PPP1R21: variants seen among roughly 807,000 people sequenced by gnomAD.
PPP1R21 encodes KLRAQ motif containing 1.
Under a neutral mutation model 112.8 loss-of-function variants are expected in PPP1R21, and 85 were observed. The observed-to-expected ratio is 0.75, with a 90% CI of 0.63 to 0.90. The LOEUF is 0.90. Among genes scored for constraint, PPP1R21 ranks in the 40% least tolerant of loss-of-function variants. The pLI, the probability that PPP1R21 is intolerant of heterozygous loss-of-function variation, is 0.00. For synonymous variants in PPP1R21, 381 were observed against 322.3 expected, an observed-to-expected ratio of 1.18 and a Z score of -1.95; for missense variants, 1,199 against 901.5, an observed-to-expected ratio of 1.33 and a Z score of -4.23.
At chr2:48,472,935 T>TAA (rs200007821) in intron 11 of PPP1R21, among the ~76,000 whole-genome samples, 11 of 125,270 alleles carry the variant, frequency 8.8e-5, no homozygotes, top group Non-Finnish European at 1.2e-4. Context: ...CCCTGCCTCT[T>TAA]AAAAAAAAAA....
At position 48,459,738 on chromosome 2, in the gene PPP1R21, G is replaced by C. The variant is rs775503640; in HGVS notation, c.376-16G>C. ...TTAGGATATTGTGAGAAGAGAAAAT[G>C]GTCTTCTCTTTTTAGTTTTTTGAAG... is the stretch of plus-strand genomic sequence containing the variant. On this transcript the variant is annotated splice_polypyrimidine_tract_variant and intron_variant, in intron 4 of 21. Coordinates refer to ENST00000294952, the MANE Select transcript of PPP1R21 (RefSeq NM_001135629.3). 1 of 1,606,132 alleles carries C rather than the reference G, an allele frequency of 6.2e-7. No homozygotes were observed. Among genetic ancestry groups the C allele is most frequent in the South Asian group, 1.1e-5 (1 of 89,906 alleles).
intron 17 of PPP1R21, among the ~76,000 whole-genome samples, chr2:48,504,275 A>G (rs1670269456): frequency 6.6e-6 from 1 of 152,206 alleles, no homozygotes; most frequent in East Asian, 1.9e-4. Context: ...CATAACATTC[A>G]TTAGTACACA....
At chr2:48,514,412 TG>T (rs1291691198) in intron 21 of PPP1R21, among the ~76,000 whole-genome samples, 2 of 152,216 alleles carry the variant, frequency 1.3e-5, no homozygotes. Context: ...CTCTTGTCTT[TG>T]GAACAAAATG....
At chr2:48,512,512 T>C (rs1670689020) in intron 21 of PPP1R21, among the ~76,000 whole-genome samples, 1 of 147,328 alleles carries the variant, frequency 6.8e-6, no homozygotes, top group South Asian at 2.2e-4. Context: ...CTGTGTATAC[T>C]GGGGAGAAAT....
At chr2:48,462,783 G>C (rs1668032790) in intron 7 of PPP1R21, among the ~76,000 whole-genome samples, 1 of 152,172 alleles carries the variant, frequency 6.6e-6, no homozygotes, top group Non-Finnish European at 1.5e-5. Context: ...GTACTCACAA[G>C]GTTAATCTGG....
intron 21 of PPP1R21, among the ~76,000 whole-genome samples, 159 bp from the exon 22 acceptor site, chr2:48,514,556 T>C (rs1389112919): frequency 2.0e-5 from 3 of 152,216 alleles, no homozygotes; most frequent in Non-Finnish European, 4.4e-5. Flanking sequence ...TTTGCGATTA[T>C]TGAATAAAAG....
intron 9 of PPP1R21, among the ~76,000 whole-genome samples, chr2:48,468,418 T>C (rs563642393): frequency 1.3e-5 from 2 of 152,356 alleles, no homozygotes; most frequent in Non-Finnish European, 2.9e-5. Context: ...TGTTCTTTAA[T>C]ATCACTGTGG....
chr2:48,492,497 T>G (rs906086750), intron 15 of PPP1R21, among the ~76,000 whole-genome samples: 3 of 152,242 alleles, frequency 2.0e-5, no homozygotes, highest in Non-Finnish European at 2.9e-5. Context: ...ATATGGATGT[T>G]CCATAGTTTG....
At position 48,471,284 on chromosome 2, in the gene PPP1R21, A is replaced by G. The variant is rs150734417; in HGVS notation, c.1005A>G (p.Thr335=). Reference sequence around the variant, plus strand: ...AAATTATTTTTCTTTTCCAGGAGACAACTGTGAAATTGAAAACTTTTTCAG... The same window carrying G: ...AAATTATTTTTCTTTTCCAGGAGACGACTGTGAAATTGAAAACTTTTTCAG... ...ITEDTVTVLE[T]TVKLKTFSEH... is the part of the protein sequence containing the mutation. Residue 335 remains threonine (T), a synonymous_variant, in exon 11 of 22, where the codon ACA becomes ACG. Transcript: ENST00000294952. 144 of 1,611,644 alleles carry G rather than the reference A, an allele frequency of 8.9e-5. No individual in the cohort carries two copies. In the African/African-American group the frequency reaches 1.7e-3, roughly 19 times the overall value.
chr2:48,454,666 T>C lies in PPP1R21; in HGVS notation c.198T>C (p.Asn66=), dbSNP rs1324619284. ...QQEMDSLTFR[N]LQLAKRVELL... is the part of the protein sequence containing the mutation. ...AAATGGACAGTTTGACATTTCGAAA[T>C]CTGCAGCTTGCCAAGAGGGTAGAAC... Residue 66 remains asparagine, a synonymous_variant, in exon 3 of 22, where the codon AAT becomes AAC. Coordinates refer to ENST00000294952, the MANE Select transcript of PPP1R21 (RefSeq NM_001135629.3). 3 of 1,614,016 alleles carry C rather than the reference T, an allele frequency of 1.9e-6. No individual in the cohort carries two copies. Among genetic ancestry groups the C allele is most frequent in the Non-Finnish European group, 1.7e-6 (2 of 1,180,000 alleles).
At chr2:48,470,939 C>G (rs1322191861) in intron 9 of PPP1R21, 148 bp from the exon 10 acceptor site, 24 of 591,338 alleles carry the variant, frequency 4.1e-5, no homozygotes, top group Non-Finnish European at 3.0e-6. Flanking sequence ...ATAAAAGTTT[C>G]CAAAACTTGA....
At chr2:48,488,899 AAAAAG>A (rs1188580968) in intron 14 of PPP1R21, among the ~76,000 whole-genome samples, 2 of 152,330 alleles carry the variant, frequency 1.3e-5, no homozygotes, top group Admixed American at 6.5e-5. Flanking sequence ...AAATATTAGA[AAAAAG>A]AAAAGAAACC....
In PPP1R21 at chr2:48,457,680, C is replaced by A. The variant is rs10199764; in HGVS notation, c.274-446C>A. Among the ~76,000 whole-genome samples the A allele has an allele frequency of 5.5e-3, 844 of 152,078 alleles. 11 individuals carry two copies. The highest frequency in any genetic ancestry group is 0.019 in the African/African-American group (800 of 41,488). ...TTATATGAACTTTTGTATAAACTTA[C>A]CTTTGTGGATGCTGTTACAGAATTT... On this transcript the variant is annotated intron_variant, in intron 3 of 21. Transcript: ENST00000294952.
chr2:48,457,079 A>G (rs1667761677), intron 3 of PPP1R21, among the ~76,000 whole-genome samples: 1 of 152,104 alleles, frequency 6.6e-6, no homozygotes, highest in Non-Finnish European at 1.5e-5. Flanking sequence ...TGCCCTGGAA[A>G]TTCTGAAAGA....
intron 13 of PPP1R21, among the ~76,000 whole-genome samples, chr2:48,485,907 GTATATAC>G (rs1669267872): frequency 1.4e-5 from 2 of 142,922 alleles, no homozygotes; most frequent in Non-Finnish European, 3.0e-5. Context: ...ATATACAATT[GTATATAC>G]TAACTAATAT....
intron 15 of PPP1R21, 36 bp from the exon 16 acceptor site, chr2:48,495,643 A>T (rs1268477182): frequency 8.3e-7 from 1 of 1,210,714 alleles, no homozygotes. Context: ...GTGATACAAT[A>T]TTTTTTCTTT....
At position 48,460,096 on chromosome 2, in the gene PPP1R21, T is replaced by C; in HGVS notation, c.542T>C (p.Val181Ala). 6.2e-7 allele frequency: 1 copy of C among 1,614,130 alleles called. No individual in the cohort carries two copies. The highest frequency in any genetic ancestry group is 2.2e-5 in the East Asian group (1 of 44,882). Residue 181 changes from valine (V) to alanine (A), a missense_variant and splice_region_variant, in exon 6 of 22, where the codon GTG becomes GCG. Val to Ala is a moderately conservative substitution (Grantham distance 64, BLOSUM62 0). Coordinates refer to ENST00000294952, the MANE Select transcript of PPP1R21 (RefSeq NM_001135629.3). Reference sequence around the variant, plus strand: ...GTTTCTTTTTCTTCTGAAATTCAGGTGAAATCTCAGACTCTAGAAAAGGAA... The same window carrying C: ...GTTTCTTTTTCTTCTGAAATTCAGGCGAAATCTCAGACTCTAGAAAAGGAA... The part of the protein sequence containing the change: ...KLQNDKAKLE[V>A]KSQTLEKEAK...
At chr2:48,482,934 C>A (rs1250543985) in intron 13 of PPP1R21, among the ~76,000 whole-genome samples, 1 of 152,050 alleles carries the variant, frequency 6.6e-6, no homozygotes, top group Non-Finnish European at 1.5e-5. Flanking sequence ...TATCCCTCCT[C>A]CCATCCCCCA....
intron 9 of PPP1R21, among the ~76,000 whole-genome samples, chr2:48,470,267 C>T (rs1436538812): frequency 6.6e-6 from 1 of 152,090 alleles, no homozygotes; most frequent in Admixed American, 6.5e-5. Context: ...CCTGTAATCA[C>T]AGCACTTTGG....
Sources: gnomAD v4.1 joint callset for allele counts (sites outside exome capture counted in the v4.1 genomes callset) on GRCh38, gnomAD v4.1.1 for gene constraint, MANE v1.5 for transcripts, NCBI Gene and HGNC (gene_info 2026-07-23, HGNC 2026-07-21) for gene names.